Variants in ANKRD36B observed in about 807,000 individuals in gnomAD.
The protein encoded by ANKRD36B is ankyrin repeat domain 36B, also known as ankyrin repeat domain-containing protein 36B.
In ANKRD36B, 37 loss-of-function variants were observed where a neutral mutation model predicts 135.7. The observed-to-expected ratio is 0.27, with a 90% CI of 0.21 to 0.36. The LOEUF is 0.36. ANKRD36B is among the 10% of genes least tolerant of loss of function. ANKRD36B has a pLI of 1.00. For synonymous variants in ANKRD36B, 179 were observed against 348.1 expected (o/e 0.51, Z 5.41); for missense variants, 549 against 1,037.1 (o/e 0.53, Z 6.46).
chr2:97,580,515 C>T lies in ANKRD36B; in HGVS notation c.504G>A (p.Val168=). The T allele has an allele frequency of 5.8e-6, 9 of 1,548,092 alleles. No individual in the cohort carries two copies. Among genetic ancestry groups the T allele is most frequent in the Non-Finnish European group, 7.9e-6 (9 of 1,144,608 alleles). ...LAVSRRKVKM[V]EFLLKKKANV... is the part of the protein sequence containing the mutation. ...TTGCTTTTTTCTTTAATAAAAATTCCACCATTTTCACTTTTCTTCGACTCA... is the reference window on the plus strand; with the variant it reads ...TTGCTTTTTTCTTTAATAAAAATTCTACCATTTTCACTTTTCTTCGACTCA... Residue 168 remains valine, a synonymous_variant, in exon 4 of 44, where the codon GTG becomes GTA. Transcript: ENST00000359901.
chr2:97,551,795 G>T (rs1247764018), intron 16 of ANKRD36B, among the ~76,000 whole-genome samples: 2 of 151,920 alleles, frequency 1.3e-5, no homozygotes, highest in Non-Finnish European at 2.9e-5. Flanking sequence ...AATCAGAGGA[G>T]AAACTCATAC....
At position 97,585,064 on chromosome 2, in the gene ANKRD36B, G is replaced by A. The variant is rs1263591986; in HGVS notation, c.330C>T (p.Ala110=). 22 of 1,612,652 alleles carry A rather than the reference G, an allele frequency of 1.4e-5. No individual in the cohort carries two copies. The highest frequency in any genetic ancestry group is 1.9e-4 in the Middle Eastern group (1 of 5,156). Residue 110 remains alanine (A), a synonymous_variant, in exon 3 of 44, where the codon GCC becomes GCT. Transcript: ENST00000359901. Reference sequence around the variant, plus strand: ...CAAAGACATCCGTAATATTTGGATCGGCGCCATTTTGCAGCAGAAGAGTTG... The same window carrying A: ...CAAAGACATCCGTAATATTTGGATCAGCGCCATTTTGCAGCAGAAGAGTTG... ...ACATLLLQNG[A]DPNITDVFGR...
In ANKRD36B at chr2:97,531,737, G is replaced by C. The variant is rs1461292841; in HGVS notation, c.2265+574C>G. ...AGATTTTCTATATTGAAATTCATTA[G>C]GCAGTTATTGTTTGTACACTAATAC... is the stretch of plus-strand genomic sequence containing the variant. On this transcript the variant is annotated intron_variant, in intron 35 of 43. Transcript: ENST00000359901. Among the ~76,000 whole-genome samples, 2 of 95,490 alleles carry C rather than the reference G, an allele frequency of 2.1e-5. 1 individual carries two copies. Among genetic ancestry groups the C allele is most frequent in the Non-Finnish European group, 5.5e-5 (2 of 36,044 alleles). The allele number at this position is 95,490 out of a possible 152,430, so 62.6% of individuals were successfully genotyped here. A position where few individuals can be genotyped will look rare whatever the true frequency, so the allele number is the denominator to read the frequency against.
intron 37 of ANKRD36B, among the ~76,000 whole-genome samples, chr2:97,514,538 C>T (rs1383686884): frequency 1.2e-5 from 1 of 81,298 alleles, no homozygotes; most frequent in East Asian, 2.6e-4. Context: ...GCAAGTATCC[C>T]TAAACATAAT....
chr2:97,576,731 T>G (rs2082260420), intron 5 of ANKRD36B, among the ~76,000 whole-genome samples: 1 of 151,666 alleles, frequency 6.6e-6, no homozygotes, highest in Non-Finnish European at 1.5e-5. Flanking sequence ...CCTGGCTCTA[T>G]AGCCAACAGG....
At chr2:97,579,564 G>T (rs1352859496) in intron 4 of ANKRD36B, among the ~76,000 whole-genome samples, 1 of 145,208 alleles carries the variant, frequency 6.9e-6, no homozygotes, top group Non-Finnish European at 1.5e-5. Context: ...TATCCTTCAA[G>T]GGTGGTTGTG....
At chr2:97,556,853 T>A in intron 12 of ANKRD36B, 84 bp downstream of exon 12, 1 of 1,515,004 alleles carries the variant, frequency 6.6e-7, no homozygotes. Flanking sequence ...GCATTTTCAA[T>A]GACACCCCAC....
rs2078592573 is a variant in ANKRD36B, at chr2:97,531,415, G to A, written c.2265+896C>T. ...ACTCTGGGGACTGTTGTGGGGTGGG[G>A]GGAGGGGGGAGGGATAGCATTAGGA... On this transcript the variant is annotated intron_variant, in intron 35 of 43. Transcript: ENST00000359901. Among the ~76,000 whole-genome samples, 2 of 34,572 alleles carry A rather than the reference G, an allele frequency of 5.8e-5. 1 individual carries two copies. The highest frequency in any genetic ancestry group is 1.6e-4 in the African/African-American group (2 of 12,552). 22.7% of individuals were successfully genotyped at this position (34,572 alleles called of 152,430 possible).
chr2:97,506,451 A>G (rs1341919580), intron 43 of ANKRD36B: 1 of 40,020 alleles, frequency 2.5e-5, no homozygotes, highest in African/African-American at 4.7e-5. Context: ...ACAAAGGTGT[A>G]GAGTATGGTA....
In ANKRD36B at chr2:97,538,029, A is replaced by G. The variant is rs567702197; in HGVS notation, c.2089+139T>C. 3.0e-4 allele frequency: 132 copies of G among 435,668 alleles called. 21 individuals carry two copies. The highest frequency in any genetic ancestry group is 2.3e-3 in the South Asian group (131 of 56,572). The allele number at this position is 435,668 out of a possible 1,614,324, so 27.0% of individuals were successfully genotyped here. On this transcript the variant is annotated intron_variant, in intron 32 of 43. Coordinates refer to ENST00000359901, the MANE Select transcript of ANKRD36B (RefSeq NM_001393939.1). The stretch of plus-strand genomic sequence containing the variant: ...CCAGCAGCATCAACAACACCTGACA[A>G]CTCAGTAGAAATGCACAATCTCAGG...
chr2:97,557,238 T>A, intron 10 of ANKRD36B, 106 bp from the exon 11 acceptor site: 1 of 1,458,266 alleles, frequency 6.9e-7, no homozygotes, highest in African/African-American at 1.4e-5. Flanking sequence ...CCTGCACTAG[T>A]GTAGGATTTG....
In ANKRD36B at chr2:97,529,851, C is replaced by T. The variant is rs868783834; in HGVS notation, c.2265+2460G>A. Among the ~76,000 whole-genome samples, 408 of 95,108 alleles carry T rather than the reference C, an allele frequency of 4.3e-3. 148 individuals carry two copies. Among genetic ancestry groups the T allele is most frequent in the Non-Finnish European group, 6.4e-3 (228 of 35,768 alleles). The allele number at this position is 95,108 out of a possible 152,430, so 62.4% of individuals were successfully genotyped here. On this transcript the variant is annotated intron_variant, in intron 35 of 43. Coordinates refer to ENST00000359901, the MANE Select transcript of ANKRD36B (RefSeq NM_001393939.1). ...ACCTAGGAATCCAACTTACAAGGGA[C>T]GTGAAGGACCTCTTCAAGGAGAACT... is the stretch of plus-strand genomic sequence containing the variant.
chr2:97,540,671 G>C lies in ANKRD36B; in HGVS notation c.1886-442C>G, dbSNP rs1205393423. Among the ~76,000 whole-genome samples the C allele has an allele frequency of 3.3e-4, 32 of 95,684 alleles. 10 individuals carry two copies. Among genetic ancestry groups the C allele is most frequent in the African/African-American group, 6.5e-4 (21 of 32,094 alleles). The allele number at this position is 95,684 out of a possible 152,430, so 62.8% of individuals were successfully genotyped here. ...ATTCATCATGCTCTTTAACTTGCCC[G>C]ATAACAGAGAAGGTACACAATTACA... On this transcript the variant is annotated intron_variant, in intron 28 of 43. Coordinates refer to ENST00000359901, the MANE Select transcript of ANKRD36B (RefSeq NM_001393939.1).
intron 35 of ANKRD36B, among the ~76,000 whole-genome samples, chr2:97,527,250 C>T (rs2104414948): frequency 1.0e-5 from 1 of 95,744 alleles, no homozygotes; most frequent in East Asian, 2.3e-4. Context: ...GGCCAATATT[C>T]AACATTCTTA....
Position 97,558,802 on chromosome 2 carries a change from T to C in ANKRD36B, c.964A>G (p.Thr322Ala), listed in dbSNP as rs2080760720. The C allele has an allele frequency of 6.2e-7, 1 of 1,611,396 alleles. No individual in the cohort carries two copies. The highest frequency in any genetic ancestry group is 8.5e-7 in the Non-Finnish European group (1 of 1,178,630). ...TEIKEGQQSG[T>A]VSPQKQSAQK... ...TAAATGTGTTTTGCAAAATTACCTG[T>C]CCCAGATTGTTGTCCCTCCTTTATT... Residue 322 changes from threonine to alanine, a missense_variant, in exon 10 of 44, where the codon ACA becomes GCA. Coordinates refer to ENST00000359901, the MANE Select transcript of ANKRD36B (RefSeq NM_001393939.1).
In ANKRD36B at chr2:97,547,551, C is replaced by G. The variant is rs1353328335; in HGVS notation, c.1564G>C (p.Glu522Gln). ...LNIARGKKDG[E>Q]KTRRVSSHKQ... ...TCAAAATTACCTCTCCTAGTTTTTT[C>G]TCCATCTTTTTTTCCTCTGGCTATA... The change falls in exon 22 of 44, where the codon GAA (glutamate) becomes CAA (glutamine). Residue 522 changes from glutamate to glutamine, a missense_variant. Coordinates refer to ENST00000359901, the MANE Select transcript of ANKRD36B (RefSeq NM_001393939.1). 6.5e-7 allele frequency: 1 copy of G among 1,545,640 alleles called. No individual in the cohort carries two copies. Among genetic ancestry groups the G allele is most frequent in the Non-Finnish European group, 8.8e-7 (1 of 1,130,812 alleles).
chr2:97,551,312 T>G lies in ANKRD36B; in HGVS notation c.1352A>C (p.Lys451Thr). 1 of 1,571,174 alleles carries G rather than the reference T, an allele frequency of 6.4e-7. No individual in the cohort carries two copies. The highest frequency in any genetic ancestry group is 8.6e-7 in the Non-Finnish European group (1 of 1,161,472). ...DSFSNITREK[K>T]DGEISRTVSS... ...ACCTGTCCTAGATATTTCTCCATCCTTTTTTTCTCTGGTTATATTCGAAAA... is the reference window on the plus strand; with the variant it reads ...ACCTGTCCTAGATATTTCTCCATCCGTTTTTTCTCTGGTTATATTCGAAAA... Residue 451 changes from lysine to threonine, a missense_variant, in exon 18 of 44, where the codon AAG becomes ACG. Coordinates refer to ENST00000359901, the MANE Select transcript of ANKRD36B (RefSeq NM_001393939.1).
chr2:97,522,498 TA>T lies in ANKRD36B; in HGVS notation c.2407+827del, dbSNP rs2077999045. ...TACACCCATCAGAATAACTAAAATTTAAAAAAATAAATACAGCAGTAGTGTG... is the reference window on the plus strand; with the variant it reads ...TACACCCATCAGAATAACTAAAATTTAAAAAATAAATACAGCAGTAGTGTG... On this transcript the variant is annotated intron_variant, in intron 36 of 43. Coordinates refer to ENST00000359901, the MANE Select transcript of ANKRD36B (RefSeq NM_001393939.1). Among the ~76,000 whole-genome samples, 3 of 26,278 alleles carry T rather than the reference TA, an allele frequency of 1.1e-4. No individual in the cohort carries two copies. The East Asian group carries it at 1.7e-3, about 15-fold the overall frequency. 17.2% of individuals were successfully genotyped at this position (26,278 alleles called of 152,430 possible). A position where few individuals can be genotyped will look rare whatever the true frequency, so the allele number is the denominator to read the frequency against.
rs1290153911 is a variant in ANKRD36B, at chr2:97,525,543, C to T, written c.2266-2076G>A. Among the ~76,000 whole-genome samples the T allele has an allele frequency of 4.2e-5, 4 of 95,932 alleles. 2 individuals are homozygous for T. Among genetic ancestry groups the T allele is most frequent in the African/African-American group, 1.3e-4 (4 of 31,906 alleles). 62.9% of individuals were successfully genotyped at this position (95,932 alleles called of 152,430 possible). A position where few individuals can be genotyped will look rare whatever the true frequency, so the allele number is the denominator to read the frequency against. ...GTTCATCTCACTAGGGAGTGCCAGA[C>T]AGTGGGTGCAGGATAGTGGGTGCAG... On this transcript the variant is annotated intron_variant, in intron 35 of 43. Coordinates refer to ENST00000359901, the MANE Select transcript of ANKRD36B (RefSeq NM_001393939.1).
Sources: gnomAD v4.1 joint callset for allele counts (sites outside exome capture counted in the v4.1 genomes callset) on GRCh38, gnomAD v4.1.1 for gene constraint, MANE v1.5 for transcripts, NCBI Gene and HGNC (gene_info 2026-07-23, HGNC 2026-07-21) for gene names.